Variants in JAZF1 observed in about 807,000 individuals in gnomAD.
JAZF1 encodes JAZF zinc finger 1.
Under a neutral mutation model 26.4 loss-of-function variants are expected in JAZF1, and 8 were observed. The observed-to-expected ratio is 0.30, with a 90% confidence interval of 0.18 to 0.55. The LOEUF is 0.55. JAZF1 is among the 20% of genes least tolerant of loss of function. The pLI, the probability that JAZF1 is intolerant of heterozygous loss-of-function variation, is 0.94. For synonymous variants in JAZF1, 126 were observed against 122.3 expected, an observed-to-expected ratio of 1.03 and a Z score of -0.20; for missense variants, 199 against 322.0, an observed-to-expected ratio of 0.62 and a Z score of 2.92.
At chr7:28,056,468 A>G (rs1208073992) in intron 1 of JAZF1, among the ~76,000 whole-genome samples, 1 of 148,410 alleles carries the variant, frequency 6.7e-6, no homozygotes, top group Non-Finnish European at 1.5e-5. Context: ...ACACACACAC[A>G]CACACACAAT....
At chr7:27,966,933 G>T (rs1458965860) in intron 2 of JAZF1, among the ~76,000 whole-genome samples, 1 of 152,112 alleles carries the variant, frequency 6.6e-6, no homozygotes, top group East Asian at 1.9e-4. Flanking sequence ...GAAACTGATG[G>T]GGGCATCCAG....
At chr7:27,979,769 G>A (rs982423528) in intron 2 of JAZF1, among the ~76,000 whole-genome samples, 1 of 152,084 alleles carries the variant, frequency 6.6e-6, no homozygotes, top group Non-Finnish European at 1.5e-5. Flanking sequence ...AGTCACGATG[G>A]AGAATAATTT....
chr7:27,871,309 T>C (rs79991567), intron 3 of JAZF1, among the ~76,000 whole-genome samples: 1 of 152,172 alleles, frequency 6.6e-6, no homozygotes, highest in African/African-American at 2.4e-5. Context: ...GTGACATCTG[T>C]AAGGAGATGA....
chr7:27,849,774 C>CACACACACACACACACACACACACATATA, intron 3 of JAZF1, among the ~76,000 whole-genome samples: 1 of 150,066 alleles, frequency 6.7e-6, no homozygotes, highest in African/African-American at 2.5e-5. Flanking sequence ...CACACACACA[C>CACACACACACACACACACACACACATATA]CCCTACACCT....
intron 1 of JAZF1, among the ~76,000 whole-genome samples, chr7:28,066,594 C>T (rs1411223458): frequency 7.9e-6 from 1 of 126,658 alleles, no homozygotes; most frequent in African/African-American, 3.2e-5. Flanking sequence ...CAGAGCGAGA[C>T]TCCATCTCAA....
chr7:28,017,258 G>C (rs561099076), intron 1 of JAZF1, among the ~76,000 whole-genome samples: 1 of 151,638 alleles, frequency 6.6e-6, no homozygotes, highest in East Asian at 1.9e-4. Flanking sequence ...GGCTAAGGCA[G>C]GAGAATTGCT....
chr7:28,081,644 C>G (rs34448053), intron 1 of JAZF1, among the ~76,000 whole-genome samples: 1 of 152,064 alleles, frequency 6.6e-6, no homozygotes, highest in Non-Finnish European at 1.5e-5. Context: ...CCAGAAGCCT[C>G]GACACCACCA....
intron 2 of JAZF1, among the ~76,000 whole-genome samples, chr7:27,923,358 G>C (rs549370161): frequency 2.0e-5 from 3 of 152,310 alleles, no homozygotes; most frequent in African/African-American, 7.2e-5. Context: ...AAGTGCTCTC[G>C]GCATGAACTG....
At chr7:28,042,029 G>C (rs910581223) in intron 1 of JAZF1, among the ~76,000 whole-genome samples, 5 of 152,180 alleles carry the variant, frequency 3.3e-5, no homozygotes, top group African/African-American at 1.2e-4. Context: ...TAAAGCCCTG[G>C]GTGCCTAAAA....
chr7:27,911,452 A>T (rs773265607), intron 2 of JAZF1, among the ~76,000 whole-genome samples: 3 of 152,244 alleles, frequency 2.0e-5, no homozygotes, highest in Admixed American at 6.5e-5. Flanking sequence ...TAGGAAAGTT[A>T]CAAAATGCTA....
chr7:27,850,305 T>C (rs2128333945), intron 3 of JAZF1, among the ~76,000 whole-genome samples: 1 of 152,368 alleles, frequency 6.6e-6, no homozygotes, highest in East Asian at 1.9e-4. Context: ...TTAATGGCTC[T>C]GGGACCACGG....
intron 3 of JAZF1, among the ~76,000 whole-genome samples, chr7:27,871,192 G>C (rs1280871369): frequency 6.6e-6 from 1 of 152,198 alleles, no homozygotes; most frequent in East Asian, 1.9e-4. Flanking sequence ...AGTTTGATTT[G>C]AGACCAGCAC....
At chr7:28,047,174 A>T (rs1181310129) in intron 1 of JAZF1, among the ~76,000 whole-genome samples, 2 of 152,144 alleles carry the variant, frequency 1.3e-5, no homozygotes, top group Non-Finnish European at 2.9e-5. Flanking sequence ...ATCTATTCTG[A>T]GTTGAAAGTT....
At chr7:27,934,850 T>C (rs755552066) in intron 2 of JAZF1, among the ~76,000 whole-genome samples, 8 of 152,208 alleles carry the variant, frequency 5.3e-5, no homozygotes, top group Non-Finnish European at 8.8e-5. Context: ...AAAAACTAGA[T>C]AATTAGACTT....
At chr7:28,104,897 A>C (rs1019119241) in intron 1 of JAZF1, among the ~76,000 whole-genome samples, 1 of 152,164 alleles carries the variant, frequency 6.6e-6, no homozygotes, top group African/African-American at 2.4e-5. Context: ...ATACCACTTA[A>C]CCTAAGGCAG....
At chr7:27,916,502 C>T (rs895636710) in intron 2 of JAZF1, among the ~76,000 whole-genome samples, 11 of 152,124 alleles carry the variant, frequency 7.2e-5, no homozygotes, top group African/African-American at 2.7e-4. Context: ...TTTAAACATA[C>T]CTTCTGTAAA....
chr7:27,952,634 T>A (rs537331453), intron 2 of JAZF1, among the ~76,000 whole-genome samples: 1 of 152,248 alleles, frequency 6.6e-6, no homozygotes, highest in South Asian at 2.1e-4. Flanking sequence ...TTCTCTGGGC[T>A]ATGAATCACT....
rs538255391 is a variant in JAZF1, at chr7:28,076,767, A to AT, written c.116-84787_116-84786insA. Among the ~76,000 whole-genome samples, 22 of 152,144 alleles carry AT rather than the reference A, an allele frequency of 1.4e-4. No individual in the cohort carries two copies. In the South Asian group the frequency reaches 4.3e-3, roughly 30 times the overall value. ...AATGAGTAAGTTAATAATTCCTTAC[A>AT]GATGTTTCCATAAGAAAACATTGTG... On this transcript the variant is annotated intron_variant, in intron 1 of 4. Transcript: ENST00000283928.
intron 1 of JAZF1, among the ~76,000 whole-genome samples, chr7:27,998,066 G>GC (rs56160644): frequency 0.049 from 7,215 of 146,998 alleles, 257 homozygotes; most frequent in Middle Eastern, 0.091. Context: ...AGGAAGGAAG[G>GC]AAGGAAGGCA....
Sources: allele counts gnomAD v4.1 joint callset (sites outside exome capture counted in the v4.1 genomes callset), GRCh38; gene constraint gnomAD v4.1.1; transcripts MANE v1.5; gene names NCBI Gene and HGNC (gene_info 2026-07-23, HGNC 2026-07-21).